SCAF11: variants seen among roughly 807,000 people sequenced by gnomAD.
SCAF11 encodes the protein protein SCAF11.
SCAF11 carries 47 observed loss-of-function variants against 140.5 expected under a neutral mutation model. That is an observed-to-expected ratio of 0.33 (90% CI 0.26 to 0.43). The LOEUF (loss-of-function observed/expected upper bound fraction) is 0.43, where lower values mean the gene tolerates loss of function less well. SCAF11 is among the 20% of genes least tolerant of loss of function. The probability of loss-of-function intolerance (pLI) is 1.00; values close to 1 mark genes in which losing one functional copy is unlikely to be tolerated. For synonymous variants in SCAF11, 557 were observed against 579.4 expected (o/e 0.96, Z 0.55); for missense variants, 1,645 against 1,705.1 (o/e 0.96, Z 0.62).
chr12:45,939,959 C>A (rs1192039278), intron 6 of SCAF11, among the ~76,000 whole-genome samples: 6 of 152,194 alleles, frequency 3.9e-5, no homozygotes, highest in Admixed American at 3.9e-4. Context: ...TCTCTTGGTT[C>A]CTTGCTTAGT....
intron 1 of SCAF11, among the ~76,000 whole-genome samples, chr12:45,969,038 C>G (rs916974500): frequency 6.6e-6 from 1 of 152,196 alleles, no homozygotes; most frequent in Non-Finnish European, 1.5e-5. Context: ...CAAGTGTGGA[C>G]AGTGCATGTG....
chr12:45,961,918 C>G (rs1945843337), intron 2 of SCAF11, 61 bp from the exon 3 acceptor site: 1 of 1,437,574 alleles, frequency 7.0e-7, no homozygotes, highest in African/African-American at 1.4e-5. Flanking sequence ...TCTTGTGTTT[C>G]TAGGAGTATA....
chr12:45,964,297 G>A (rs1945891151), intron 1 of SCAF11, 109 bp from the exon 2 acceptor site: 2 of 605,928 alleles, frequency 3.3e-6, no homozygotes, highest in Admixed American at 3.1e-5. Flanking sequence ...AAAGAACACA[G>A]TACGAGCCAA....
chr12:45,945,286 T>C lies in SCAF11; in HGVS notation c.426A>G (p.Leu142=). The C allele has an allele frequency of 1.9e-6, 3 of 1,581,788 alleles. No individual in the cohort carries two copies. Among genetic ancestry groups the C allele is most frequent in the East Asian group, 2.3e-5 (1 of 44,324 alleles). Residue 142 remains leucine, a synonymous_variant, in exon 6 of 15, where the codon CTA becomes CTG. Transcript: ENST00000369367. ...TCAAGTCACAAACTTTTGCACTTAA[T>C]AGATCTTCTCTTACGATGGCTTTTC... is the stretch of plus-strand genomic sequence containing the variant. ...IRRKAIVRED[L]LSAKVCDLKW... is the part of the protein sequence containing the mutation.
intron 1 of SCAF11, among the ~76,000 whole-genome samples, chr12:45,980,593 A>G (rs1398732335): frequency 6.6e-6 from 1 of 152,174 alleles, no homozygotes; most frequent in Non-Finnish European, 1.5e-5. Context: ...ATTGACACTA[A>G]ACGGCCTAAT....
chr12:45,992,039 C>G, upstream of SCAF11: 2 of 1,288,914 alleles, frequency 1.6e-6, no homozygotes, highest in African/African-American at 1.5e-5. Context: ...GACCGCTTCA[C>G]TGCCGCCTTC....
chr12:45,961,860 G>GT lies in SCAF11; in HGVS notation c.62-4dup, dbSNP rs769926282. 3.1e-6 allele frequency: 5 copies of GT among 1,595,372 alleles called. No individual in the cohort carries two copies. The Admixed American group carries it at 8.8e-5, about 28-fold the overall frequency. ...AGTATTATCTCCGTTTTCTTCACCT[G>GT]TTAAAGTAAAACAGCCATATGTGCT... On this transcript the variant is annotated splice_polypyrimidine_tract_variant and splice_region_variant and intron_variant, in intron 2 of 14. Transcript: ENST00000369367.
At chr12:45,989,975 TC>T (rs35425343) in intron 1 of SCAF11, among the ~76,000 whole-genome samples, 5,309 of 137,286 alleles carry the variant, frequency 0.039, 102 homozygotes, top group South Asian at 0.093. Flanking sequence ...TGGAGCCCCT[TC>T]CCCCCCCCCC....
At chr12:45,972,901 T>TATATATATAG (rs1946120712) in intron 1 of SCAF11, among the ~76,000 whole-genome samples, 1 of 26,512 alleles carries the variant, frequency 3.8e-5, no homozygotes, top group African/African-American at 1.5e-4. Flanking sequence ...TAGATATATA[T>TATATATATAG]ATATATAGAT....
At chr12:45,971,383 CTGAA>C (rs1279832432) in intron 1 of SCAF11, among the ~76,000 whole-genome samples, 1 of 152,172 alleles carries the variant, frequency 6.6e-6, no homozygotes, top group African/African-American at 2.4e-5. Context: ...GTTAATCTCA[CTGAA>C]TGAAACTACA....
intron 1 of SCAF11, among the ~76,000 whole-genome samples, chr12:45,977,834 C>G (rs749435247): frequency 1.2e-4 from 18 of 152,182 alleles, no homozygotes; most frequent in Non-Finnish European, 1.6e-4. Flanking sequence ...TGAGAGACAA[C>G]AGATATCTAT....
chr12:45,954,730 TAG>T (rs1945639973), intron 3 of SCAF11: 2 of 133,176 alleles, frequency 1.5e-5, no homozygotes, highest in African/African-American at 6.5e-5. Flanking sequence ...TCACCGTGCC[TAG>T]CTTTTTTTTT....
At chr12:45,932,107 T>C (rs1179035453) in intron 9 of SCAF11, among the ~76,000 whole-genome samples, 1 of 152,004 alleles carries the variant, frequency 6.6e-6, no homozygotes, top group African/African-American at 2.4e-5. Flanking sequence ...TCTGCCCCCC[T>C]AGAAAGTGTC....
At chr12:45,945,657 C>T (rs1185905876) in intron 5 of SCAF11, among the ~76,000 whole-genome samples, 2 of 151,656 alleles carry the variant, frequency 1.3e-5, no homozygotes, top group Non-Finnish European at 2.9e-5. Flanking sequence ...CCAGCTCAGC[C>T]TCCTGAGTAG....
intron 1 of SCAF11, among the ~76,000 whole-genome samples, chr12:45,986,290 G>A (rs953168597): frequency 1.3e-5 from 2 of 152,132 alleles, no homozygotes; most frequent in African/African-American, 4.8e-5. Flanking sequence ...AACCAAAAGA[G>A]CTCTGGTCCT....
chr12:45,950,622 C>CT (rs1384296825), intron 4 of SCAF11, among the ~76,000 whole-genome samples: 3 of 152,226 alleles, frequency 2.0e-5, no homozygotes, highest in South Asian at 2.1e-4. Context: ...AATGTTTTAT[C>CT]TTTTTTCTGA....
chr12:45,953,813 G>GA (rs1945612138), intron 3 of SCAF11: 5 of 719,596 alleles, frequency 6.9e-6, no homozygotes, highest in South Asian at 1.5e-5. Flanking sequence ...GTGAAAATGA[G>GA]AAAAAATAAC....
At position 45,927,620 on chromosome 12, in the gene SCAF11, G is replaced by T; in HGVS notation, c.2081C>A (p.Ser694Tyr). The T allele has an allele frequency of 6.2e-7, 1 of 1,612,880 alleles. No individual in the cohort carries two copies. Among genetic ancestry groups the T allele is most frequent in the South Asian group, 1.1e-5 (1 of 91,076 alleles). ...AATGTGTGTTTTAGGCAACTCTGTA[G>T]ATCTAGGATGTTCGGTCAGCGATTC... ...KNESLTEHPR[S>Y]TELPKTHIEQ... is the part of the protein sequence containing the mutation. The change falls in exon 11 of 15, where the codon TCT (serine) becomes TAT (tyrosine). Residue 694 changes from serine (S) to tyrosine (Y), a missense_variant. By Grantham distance (144) the Ser-to-Tyr change is moderately radical (BLOSUM62 -2). Coordinates refer to ENST00000369367, the MANE Select transcript of SCAF11 (RefSeq NM_004719.3).
chr12:45,980,893 C>G (rs1165935302), intron 1 of SCAF11, among the ~76,000 whole-genome samples: 21 of 151,974 alleles, frequency 1.4e-4, no homozygotes, highest in Admixed American at 1.4e-3. Flanking sequence ...CCAAAATACA[C>G]TAATAGGAAA....
Sources: gnomAD v4.1 joint callset for allele counts (sites outside exome capture counted in the v4.1 genomes callset) on GRCh38, gnomAD v4.1.1 for gene constraint, MANE v1.5 for transcripts, NCBI Gene and HGNC (gene_info 2026-07-23, HGNC 2026-07-21) for gene names.